SLC25A37: variants seen among roughly 807,000 people sequenced by gnomAD.
SLC25A37 encodes the protein solute carrier family 25 member 37.
SLC25A37 carries 17 observed loss-of-function variants against 31.0 expected under a neutral mutation model. The observed-to-expected ratio is 0.55, with a 90% CI of 0.38 to 0.82. The LOEUF (loss-of-function observed/expected upper bound fraction) is 0.82, where lower values mean the gene tolerates loss of function less well. Among genes scored for constraint, SLC25A37 ranks in the 40% least tolerant of loss-of-function variants. SLC25A37 has a pLI of 0.00. For missense variants in SLC25A37, 404 were observed against 465.8 expected (o/e 0.87, Z 1.22); for synonymous variants, 222 against 193.0 (o/e 1.15, Z -1.24).
chr8:23,574,990 T>G lies in SLC25A37; in HGVS notation c.*3135T>G, dbSNP rs1802947921. On this transcript the variant is annotated 3_prime_UTR_variant, in exon 4 of 4. Coordinates refer to ENST00000519973, the MANE Select transcript of SLC25A37 (RefSeq NM_016612.4). ...CTTTATTTTAGAACGATAAACTGAT[T>G]TTTTCCAAATGGGTGAAATCTTCTC... 6.6e-6 allele frequency: 1 copy of G among 152,328 alleles called. No homozygotes were observed. Among genetic ancestry groups the G allele is most frequent in the African/African-American group, 2.4e-5 (1 of 41,458 alleles). 9.4% of individuals were successfully genotyped at this position (152,328 alleles called of 1,614,324 possible). A position where few individuals can be genotyped will look rare whatever the true frequency, so the allele number is the denominator to read the frequency against.
intron 1 of SLC25A37, among the ~76,000 whole-genome samples, chr8:23,532,527 G>A (rs1395482602): frequency 6.6e-6 from 1 of 152,202 alleles, no homozygotes; most frequent in Non-Finnish European, 1.5e-5. Context: ...AACCAGATTA[G>A]GCACACCACT....
chr8:23,571,499 T>A lies in SLC25A37; in HGVS notation c.661T>A (p.Phe221Ile), dbSNP rs1257088964. The A allele has an allele frequency of 6.2e-7, 1 of 1,613,968 alleles. No individual in the cohort carries two copies. The highest frequency in any genetic ancestry group is 8.5e-7 in the Non-Finnish European group (1 of 1,179,876). ...GTCCATCCACTTCATCACCTATGAG[T>A]TCCTGCAGGAGCAGGTCAACCCCCA... ...FQSIHFITYE[F>I]LQEQVNPHRT... Residue 221 changes from phenylalanine to isoleucine, a missense_variant, in exon 4 of 4, where the codon TTC becomes ATC. By Grantham distance (21) the Phe-to-Ile change is conservative. Around this residue, in one of 3 missense-constraint regions of SLC25A37, gnomAD observed 243 missense variants for 284.4 expected, o/e 0.85. Transcript: ENST00000519973.
At chr8:23,562,187 G>T (rs187901945) in intron 1 of SLC25A37, among the ~76,000 whole-genome samples, 77 of 152,344 alleles carry the variant, frequency 5.1e-4, no homozygotes, top group Middle Eastern at 3.4e-3. Context: ...AAAGTGTGGG[G>T]GCCTCTCCCC....
rs768246902 is a variant in SLC25A37 at position 23,571,897 on chromosome 8, C to T, written c.*42C>T. 3.1e-6 allele frequency: 5 copies of T among 1,589,334 alleles called. No homozygotes were observed. The East Asian group carries it at 1.1e-4, about 36-fold the overall frequency. On this transcript the variant is annotated 3_prime_UTR_variant, in exon 4 of 4. Coordinates refer to ENST00000519973, the MANE Select transcript of SLC25A37 (RefSeq NM_016612.4). ...ATCTTTTCTTAAAGTCATTCTCTGC[C>T]TGCATCCAGCCCCTTGCCCTCTCCT...
intron 3 of SLC25A37, 36 bp downstream of exon 3, chr8:23,568,414 G>T (rs545182952): frequency 6.2e-7 from 1 of 1,613,046 alleles, no homozygotes; most frequent in South Asian, 1.1e-5. Context: ...GGCAGTAGGG[G>T]ATGTGCAAAG....
chr8:23,550,842 C>T (rs1585187332), intron 1 of SLC25A37, among the ~76,000 whole-genome samples: 1 of 152,332 alleles, frequency 6.6e-6, no homozygotes, highest in African/African-American at 2.4e-5. Flanking sequence ...CATGCCCGCA[C>T]CCACGGGCTG....
chr8:23,532,249 TC>T (rs1234711599), intron 1 of SLC25A37, among the ~76,000 whole-genome samples: 1 of 152,232 alleles, frequency 6.6e-6, no homozygotes, highest in Non-Finnish European at 1.5e-5. Context: ...AAAGGGCCAG[TC>T]TACTGGGACC....
At chr8:23,555,214 C>T (rs1024827561) in intron 1 of SLC25A37, among the ~76,000 whole-genome samples, 5 of 152,210 alleles carry the variant, frequency 3.3e-5, no homozygotes, top group African/African-American at 1.2e-4. Context: ...TTCTTCCTCT[C>T]CATGCCAAAT....
intron 1 of SLC25A37, among the ~76,000 whole-genome samples, chr8:23,533,182 C>T (rs765389544): frequency 2.0e-5 from 3 of 152,146 alleles, no homozygotes; most frequent in Admixed American, 6.5e-5. Flanking sequence ...TGGCCTGTAC[C>T]CCTCAGGCCT....
chr8:23,539,110 G>A (rs749968985), intron 1 of SLC25A37, among the ~76,000 whole-genome samples: 1 of 152,182 alleles, frequency 6.6e-6, no homozygotes, highest in Non-Finnish European at 1.5e-5. Context: ...CGGGTACTAA[G>A]AGGTGTTATG....
chr8:23,572,180 A>C lies in SLC25A37; in HGVS notation c.*325A>C, dbSNP rs1802871672. Reference sequence around the variant, plus strand: ...TCCTTAGATCCCAGAGGAGGGAAGAAAATTTGCAGTGACTGAAAACAGTAA... The same window carrying C: ...TCCTTAGATCCCAGAGGAGGGAAGACAATTTGCAGTGACTGAAAACAGTAA... On this transcript the variant is annotated 3_prime_UTR_variant, in exon 4 of 4. Transcript: ENST00000519973. 1 of 161,730 alleles carries C rather than the reference A, an allele frequency of 6.2e-6. No homozygotes were observed. The highest frequency in any genetic ancestry group is 2.0e-4 in the South Asian group (1 of 5,092). The allele number at this position is 161,730 out of a possible 1,614,324, so 10.0% of individuals were successfully genotyped here.
chr8:23,573,932 T>C lies in SLC25A37; in HGVS notation c.*2077T>C, dbSNP rs1169486076. On this transcript the variant is annotated 3_prime_UTR_variant, in exon 4 of 4. Coordinates refer to ENST00000519973, the MANE Select transcript of SLC25A37 (RefSeq NM_016612.4). ...TTTACATCTCCGCTCTCAACCTGCC[T>C]TGGGTTCGTGTTAAATGGTGTTAAA... 2.3e-6 allele frequency: 1 copy of C among 439,574 alleles called. No homozygotes were observed. Among genetic ancestry groups the C allele is most frequent in the African/African-American group, 2.0e-5 (1 of 49,782 alleles). The allele number at this position is 439,574 out of a possible 1,614,324, so 27.2% of individuals were successfully genotyped here.
chr8:23,568,358 C>T lies in SLC25A37; in HGVS notation c.476C>T (p.Ala159Val). 3 of 1,613,634 alleles carry T rather than the reference C, an allele frequency of 1.9e-6. No homozygotes were observed. Among genetic ancestry groups the T allele is most frequent in the South Asian group, 1.1e-5 (1 of 91,068 alleles). Residue 159 changes from alanine to valine, a missense_variant, in exon 3 of 4, where the codon GCG becomes GTG. Coordinates refer to ENST00000519973, the MANE Select transcript of SLC25A37 (RefSeq NM_016612.4). Reference protein sequence around the residue: ...AGSMATLLHDAVMNPAEVVKQ... With the variant: ...AGSMATLLHDVVMNPAEVVKQ... ...AGTATGGCCACCCTGCTCCACGATG[C>T]GGTAATGAATCCAGCAGAAGGTAAT...
At chr8:23,559,354 C>CGTGTGTGTGCGT (rs1802451255) in intron 1 of SLC25A37, among the ~76,000 whole-genome samples, 1 of 151,032 alleles carries the variant, frequency 6.6e-6, no homozygotes, top group African/African-American at 2.4e-5. Context: ...TGTGTGTGTG[C>CGTGTGTGTGCGT]GTGTGTGTGC....
intron 1 of SLC25A37, among the ~76,000 whole-genome samples, chr8:23,557,167 T>C (rs921810760): frequency 6.6e-6 from 1 of 152,200 alleles, no homozygotes; most frequent in Admixed American, 6.5e-5. Context: ...GCATGATTTT[T>C]ACATGGCTTT....
At chr8:23,565,910 T>G (rs78838396) in intron 1 of SLC25A37, among the ~76,000 whole-genome samples, 198 bp from the exon 2 acceptor site, 10,669 of 152,322 alleles carry the variant, frequency 0.07, 542 homozygotes, top group Middle Eastern at 0.11. Flanking sequence ...CATAATGAAA[T>G]GTACGTGCAC....
chr8:23,535,260 C>T (rs1324040935), intron 1 of SLC25A37, among the ~76,000 whole-genome samples: 1 of 152,198 alleles, frequency 6.6e-6, no homozygotes, highest in Non-Finnish European at 1.5e-5. Context: ...CGCATGCTCC[C>T]TGGCCTCAGC....
chr8:23,571,347 G>C lies in SLC25A37; in HGVS notation c.509G>C (p.Arg170Pro). 1.3e-6 allele frequency: 2 copies of C among 1,587,512 alleles called. No homozygotes were observed. Among genetic ancestry groups the C allele is most frequent in the Non-Finnish European group, 1.7e-6 (2 of 1,165,990 alleles). Residue 170 changes from arginine (R) to proline (P), a missense_variant, in exon 4 of 4, where the codon CGC becomes CCC. This residue lies in a region of SLC25A37 where 243 missense variants were observed against 284.4 expected (regional missense o/e 0.85). Transcript: ENST00000519973. Reference protein sequence around the residue: ...VMNPAEVVKQRLQMYNSQHRS... With the variant: ...VMNPAEVVKQPLQMYNSQHRS... ...GTTCCAACCACAGTGGTGAAGCAGC[G>C]CTTGCAGATGTACAACTCGCAGCAC...
rs144071182 is a variant in SLC25A37, at chr8:23,547,809, TC to T, written c.211-18297del. Among the ~76,000 whole-genome samples the T allele has an allele frequency of 2.2e-3, 338 of 152,306 alleles. 1 individual carries two copies. The highest frequency in any genetic ancestry group is 7.6e-3 in the African/African-American group (314 of 41,558). On this transcript the variant is annotated intron_variant, in intron 1 of 3. Coordinates refer to ENST00000519973, the MANE Select transcript of SLC25A37 (RefSeq NM_016612.4). Reference sequence around the variant, plus strand: ...GACAACACTTCAAGACTGCAAATCATCCATCCGGGCAATTACAGAAATGCTG... The same window carrying T: ...GACAACACTTCAAGACTGCAAATCATCATCCGGGCAATTACAGAAATGCTG...
Sources: allele counts gnomAD v4.1 joint callset (sites outside exome capture counted in the v4.1 genomes callset), GRCh38; gene constraint gnomAD v4.1.1; regional missense constraint gnomAD v4.1.1; transcripts MANE v1.5; gene names NCBI Gene and HGNC (gene_info 2026-07-23, HGNC 2026-07-21).